The following GALNT13 variants were observed in gnomAD, a reference collection of about 807,000 sequenced individuals.
GALNT13 encodes the protein polypeptide N-acetylgalactosaminyltransferase 13, also known as UDP-GalNAc:polypeptide N-acetylgalactosaminyltransferase 13.
A neutral mutation model predicts 64.2 loss-of-function variants in GALNT13; 28 were observed. That is an observed-to-expected ratio of 0.44 (90% CI 0.32 to 0.60). GALNT13 has a LOEUF of 0.60. Ranked by LOEUF, GALNT13 falls within the 20% of genes least tolerant of loss-of-function variation. GALNT13 has a pLI of 0.05. For missense variants in GALNT13, 577 were observed against 669.8 expected, an observed-to-expected ratio of 0.86 and a Z score of 1.53; for synonymous variants, 214 against 224.6, an observed-to-expected ratio of 0.95 and a Z score of 0.42.
At chr2:153,846,829 G>C in the GALNT13 span, among the ~76,000 whole-genome samples, 2 of 152,072 alleles carry the variant, frequency 1.3e-5, no homozygotes, top group African/African-American at 2.4e-5. Flanking sequence ...ACCAAACCAA[G>C]TAGGGCATAA....
intron 2 of GALNT13, among the ~76,000 whole-genome samples, chr2:153,943,672 T>C (rs1691505132): frequency 6.6e-6 from 1 of 152,116 alleles, no homozygotes; most frequent in South Asian, 2.1e-4. Context: ...TTTTTGTATT[T>C]TTAGTAGAGA....
intron 2 of GALNT13, among the ~76,000 whole-genome samples, chr2:153,914,898 A>T (rs951374509): frequency 2.0e-5 from 3 of 151,608 alleles, no homozygotes; most frequent in Admixed American, 6.6e-5. Flanking sequence ...CTAATATACT[A>T]CTCCTGGTGG....
At chr2:153,273,549 G>C in the GALNT13 span, among the ~76,000 whole-genome samples, 1 of 152,144 alleles carries the variant, frequency 6.6e-6, no homozygotes, top group Non-Finnish European at 1.5e-5. Context: ...TTTATAGAAG[G>C]TGATATAATT....
At chr2:154,368,835 G>A (rs981891113) in intron 9 of GALNT13, among the ~76,000 whole-genome samples, 5 of 152,082 alleles carry the variant, frequency 3.3e-5, no homozygotes, top group Non-Finnish European at 1.5e-5. Context: ...TTTGGTAACT[G>A]GTAAGAGATG....
chr2:153,265,224 A>G, the GALNT13 span, among the ~76,000 whole-genome samples: 2 of 152,100 alleles, frequency 1.3e-5, no homozygotes, highest in East Asian at 1.9e-4. Context: ...ATGGGCTCTG[A>G]GCCCAGCACA....
In GALNT13 at chr2:154,156,533, C is replaced by T. The variant is rs981684439; in HGVS notation, c.311+16028C>T. On this transcript the variant is annotated intron_variant, in intron 4 of 12. Transcript: ENST00000392825. ...ATTAAGTAGTTGAACTGAATTATGA[C>T]CTGGAATTTTCAATCAAAGCCCAGT... Among the ~76,000 whole-genome samples, 3 of 152,026 alleles carry T rather than the reference C, an allele frequency of 2.0e-5. No homozygotes were observed. In the East Asian group the frequency reaches 5.8e-4, roughly 29 times the overall value.
upstream of GALNT13, among the ~76,000 whole-genome samples, chr2:153,869,496 A>C (rs114531868): frequency 6.6e-6 from 1 of 152,150 alleles, no homozygotes; most frequent in African/African-American, 2.4e-5. Flanking sequence ...AATTTTCCTT[A>C]ATTTAAGGCT....
In GALNT13 at chr2:154,296,088, C is replaced by G. The variant is rs1016255060; in HGVS notation, c.976-5321C>G. ...AAAGTGTGCCTCCTTGCTGATCTGC[C>G]ATATTGTTAGTCCCATAGCTCATTC... On this transcript the variant is annotated intron_variant, in intron 8 of 12. Coordinates refer to ENST00000392825, the MANE Select transcript of GALNT13 (RefSeq NM_052917.4). 3.9e-5 allele frequency among the ~76,000 whole-genome samples: 6 copies of G among 152,242 alleles called. No homozygotes were observed. The South Asian group carries it at 1.2e-3, about 32-fold the overall frequency.
the GALNT13 span, among the ~76,000 whole-genome samples, chr2:153,192,761 C>G: frequency 6.6e-6 from 1 of 152,062 alleles, no homozygotes; most frequent in African/African-American, 2.4e-5. Context: ...TTCTTTGTCT[C>G]TTTTTACTGT....
the GALNT13 span, among the ~76,000 whole-genome samples, chr2:153,854,670 G>A: frequency 6.6e-6 from 1 of 151,744 alleles, no homozygotes; most frequent in Admixed American, 6.6e-5. Context: ...AATAAGGCAA[G>A]GAAACATAAT....
At chr2:153,949,943 T>C (rs1692049548) in intron 3 of GALNT13, among the ~76,000 whole-genome samples, 3 of 152,000 alleles carry the variant, frequency 2.0e-5, no homozygotes, top group African/African-American at 7.2e-5. Context: ...GCCTAACTCA[T>C]GTCATGAAGT....
chr2:153,454,475 C>A, the GALNT13 span, among the ~76,000 whole-genome samples: 2 of 152,126 alleles, frequency 1.3e-5, no homozygotes, highest in Non-Finnish European at 2.9e-5. Context: ...GAAAGCTCTT[C>A]TTGGATGCTC....
At chr2:153,498,959 T>C in the GALNT13 span, among the ~76,000 whole-genome samples, 102 of 152,228 alleles carry the variant, frequency 6.7e-4, no homozygotes, top group African/African-American at 2.4e-3. Context: ...TCCATTCTCC[T>C]GCCTCAGCCT....
intron 2 of GALNT13, among the ~76,000 whole-genome samples, chr2:153,935,717 A>G (rs1322035240): frequency 5.9e-5 from 9 of 152,192 alleles, no homozygotes; most frequent in Non-Finnish European, 1.0e-4. Flanking sequence ...AGCAGGCTGG[A>G]TTGTCAGCCA....
In GALNT13 at chr2:153,944,445, T is replaced by G. The variant is rs973727270; in HGVS notation, c.-53T>G. 15 of 1,559,932 alleles carry G rather than the reference T, an allele frequency of 9.6e-6. No individual in the cohort carries two copies. The African/African-American group carries it at 1.8e-4, about 18-fold the overall frequency. ...AGTTCACCTGTGTGGCTTGGATTTA[T>G]CACAGTAGCATTTGTCTTCAATCTG... On this transcript the variant is annotated 5_prime_UTR_variant, in exon 3 of 13. An upstream open reading frame in the 5' UTR gains an earlier in-frame stop. Transcript: ENST00000392825.
chr2:153,162,679 A>G, the GALNT13 span, among the ~76,000 whole-genome samples: 3 of 152,188 alleles, frequency 2.0e-5, no homozygotes, highest in African/African-American at 7.2e-5. Context: ...ATGTTTTTGT[A>G]TTTATATGAC....
chr2:153,314,968 CTT>C, the GALNT13 span, among the ~76,000 whole-genome samples: 1 of 151,954 alleles, frequency 6.6e-6, no homozygotes, highest in Non-Finnish European at 1.5e-5. Flanking sequence ...TAAAAACAAA[CTT>C]GGTTAAAATA....
chr2:153,609,471 A>G, the GALNT13 span, among the ~76,000 whole-genome samples: 1 of 152,078 alleles, frequency 6.6e-6, no homozygotes, highest in South Asian at 2.1e-4. Context: ...ACCCGTTTCC[A>G]TCATTTCTCT....
At chr2:153,592,421 A>C in the GALNT13 span, among the ~76,000 whole-genome samples, 1 of 152,210 alleles carries the variant, frequency 6.6e-6, no homozygotes. Flanking sequence ...AGTAGGAAAG[A>C]TATGAAATCA....
Sources: gnomAD v4.1 joint callset for allele counts (sites outside exome capture counted in the v4.1 genomes callset) on GRCh38, gnomAD v4.1.1 for gene constraint, MANE v1.5 for transcripts, NCBI Gene and HGNC (gene_info 2026-07-23, HGNC 2026-07-21) for gene names.